Variants in FAAP20 observed in about 807,000 individuals in gnomAD.
FAAP20 encodes the protein FA core complex associated protein 20, also known as Fanconi anemia core complex-associated protein 20.
In FAAP20, 12 loss-of-function variants were observed where a neutral mutation model predicts 16.2. That is an observed-to-expected ratio of 0.74 (90% confidence interval 0.48 to 1.20). The LOEUF is 1.20. FAAP20 is among the 50% of genes most tolerant of loss of function. FAAP20 has a pLI of 0.00. For synonymous variants in FAAP20, 141 were observed against 110.7 expected, an observed-to-expected ratio of 1.27 and a Z score of -1.72; for missense variants, 288 against 245.8, an observed-to-expected ratio of 1.17 and a Z score of -1.15.
At chr1:2,188,821 C>T (rs933625206), downstream of FAAP20, among the ~76,000 whole-genome samples, 8 of 151,884 alleles carry the variant, frequency 5.3e-5, no homozygotes, top group East Asian at 5.8e-4. Context: ...CTGGCTAACA[C>T]GGTGAAACCC....
At chr1:2,203,951 C>A (rs1269064854), upstream of FAAP20, 1 of 152,312 alleles carries the variant, frequency 6.6e-6, no homozygotes, top group Non-Finnish European at 1.5e-5. Context: ...CTTAGTGGCA[C>A]CCACTGACCT....
chr1:2,208,754 G>A (rs1689355025), downstream of FAAP20, among the ~76,000 whole-genome samples: 1 of 152,236 alleles, frequency 6.6e-6, no homozygotes, highest in South Asian at 2.1e-4. Context: ...GGCCCCAGAG[G>A]GGTTTGGGCC....
upstream of FAAP20, among the ~76,000 whole-genome samples, chr1:2,202,510 C>T (rs978329925): frequency 4.6e-5 from 7 of 152,294 alleles, no homozygotes; most frequent in African/African-American, 1.7e-4. Context: ...GTTACCCAAG[C>T]TGGAGTCTAG....
intron 3 of FAAP20, 195 bp downstream of exon 3, chr1:2,193,444 G>T: frequency 1.2e-6 from 1 of 839,958 alleles, no homozygotes; most frequent in Non-Finnish European, 1.8e-6. Flanking sequence ...CACAGAGCAC[G>T]GCAAGCAGGT....
chr1:2,199,723 G>A (rs531223180), upstream of FAAP20: 21 of 816,194 alleles, frequency 2.6e-5, no homozygotes, highest in Middle Eastern at 1.3e-3. This position sits in a 1 kb window ranked among gnomAD's most constrained non-coding sequence, Gnocchi z 4.5. Context: ...AATCAAACCA[G>A]GATGAGGCGA....
At chr1:2,209,959 G>A (rs1269799297), downstream of FAAP20, among the ~76,000 whole-genome samples, 3 of 152,194 alleles carry the variant, frequency 2.0e-5, no homozygotes, top group African/African-American at 2.4e-5. Flanking sequence ...AAACGCTCAC[G>A]GGGCCTCTGT....
chr1:2,206,549 G>C (rs1689264955), exon 2 of FAAP20: 1 of 152,334 alleles, frequency 6.6e-6, no homozygotes, highest in African/African-American at 2.4e-5. Context: ...CTAAGGCTCT[G>C]GGGGCCGGGC....
At chr1:2,187,695 C>T (rs1687746306), downstream of FAAP20, among the ~76,000 whole-genome samples, 1 of 152,168 alleles carries the variant, frequency 6.6e-6, no homozygotes. Context: ...CATGCCCCTG[C>T]CCTGCCCGTC....
chr1:2,193,039 C>T (rs975354732), intron 3 of FAAP20: 75 of 1,290,444 alleles, frequency 5.8e-5, no homozygotes, highest in Non-Finnish European at 7.1e-5. Context: ...TGAAACCTGC[C>T]GCCCATTAAC....
Position 2,189,598 on chromosome 1 carries a change from T to TGCGGGGGAGCCGAGGGGCGGGGCTGCTG in FAAP20, c.*110_*111insCAGCAGCCCCGCCCCTCGGCTCCCCCGC. On this transcript the variant is annotated 3_prime_UTR_variant, in exon 4 of 4. Transcript: ENST00000378546. Reference sequence around the variant, plus strand: ...GGAGCCCGCCCTGCTTTAATGCGCATGCGGGGGAGCCGAGAGGCGGGGCTG... The same window carrying TGCGGGGGAGCCGAGGGGCGGGGCTGCTG: ...GGAGCCCGCCCTGCTTTAATGCGCATGCGGGGGAGCCGAGGGGCGGGGCTGCTGGCGGGGGAGCCGAGAGGCGGGGCTG... The TGCGGGGGAGCCGAGGGGCGGGGCTGCTG allele has an allele frequency of 1.2e-6, 1 of 867,198 alleles. No homozygotes were observed. The highest frequency in any genetic ancestry group is 1.9e-6 in the Non-Finnish European group (1 of 517,140). 53.7% of individuals were successfully genotyped at this position (867,198 alleles called of 1,614,324 possible). A position where few individuals can be genotyped will look rare whatever the true frequency, so the allele number is the denominator to read the frequency against.
upstream of FAAP20, chr1:2,199,708 G>T: frequency 1.1e-6 from 1 of 885,098 alleles, no homozygotes; most frequent in Non-Finnish European, 1.4e-6. The surrounding 1 kb of genome is among the most constrained non-coding windows in gnomAD (Gnocchi z 4.5). Flanking sequence ...GGTCTGTGCC[G>T]ATATAATCAA....
downstream of FAAP20, among the ~76,000 whole-genome samples, chr1:2,209,744 C>T (rs1015431166): frequency 6.6e-6 from 1 of 152,212 alleles, no homozygotes; most frequent in Non-Finnish European, 1.5e-5. Context: ...GACTATGGGC[C>T]ACTCGTCCAG....
In FAAP20 at chr1:2,193,699, G is replaced by C. The variant is rs942256490; in HGVS notation, c.410C>G (p.Ser137Cys). The C allele has an allele frequency of 6.3e-7, 1 of 1,595,944 alleles. No homozygotes were observed. The highest frequency in any genetic ancestry group is 8.5e-7 in the Non-Finnish European group (1 of 1,174,360). ...GCGCAGGGCCGCGGCACCCTCCACA[G>C]ACGGCTGCTGCTCCACCCTGGGGGC... is the stretch of plus-strand genomic sequence containing the variant. ...CRAPRVEQQP[S>C]VEGAAALRSC... The change falls in exon 3 of 4, where the codon TCT becomes TGT. Residue 137 changes from serine to cysteine, a missense_variant. Ser to Cys is a moderately radical substitution (Grantham distance 112). Transcript: ENST00000378546.
At chr1:2,208,937 G>C (rs1312855289), downstream of FAAP20, among the ~76,000 whole-genome samples, 2 of 152,208 alleles carry the variant, frequency 1.3e-5, no homozygotes, top group African/African-American at 4.8e-5. Flanking sequence ...GGAGTCATGG[G>C]CTCAAGCACC....
chr1:2,207,156 C>T (rs1689289094), intron 1 of FAAP20, among the ~76,000 whole-genome samples: 1 of 152,184 alleles, frequency 6.6e-6, no homozygotes, highest in Non-Finnish European at 1.5e-5. Flanking sequence ...TGATGTTTTG[C>T]CTGGCCCAAG....
chr1:2,193,776 C>T lies in FAAP20; in HGVS notation c.333G>A (p.Leu111=), dbSNP rs1688528277. ...GGGGCAGGGACCTGGCGGGGGATTC[C>T]AGGTGCCCTCCTGCCCCGTGAAGCA... ...YRLLHGAGGH[L]ESPARSLPQR... Residue 111 remains leucine (L), a synonymous_variant, in exon 3 of 4, where the codon CTG becomes CTA. Transcript: ENST00000378546. 6.3e-7 allele frequency: 1 copy of T among 1,595,978 alleles called. No homozygotes were observed. Among genetic ancestry groups the T allele is most frequent in the Non-Finnish European group, 8.5e-7 (1 of 1,174,804 alleles).
chr1:2,193,334 A>C (rs936163864), intron 3 of FAAP20: 15 of 513,356 alleles, frequency 2.9e-5, no homozygotes, highest in Non-Finnish European at 5.1e-5. Flanking sequence ...GGGCCTGGGG[A>C]CGCTGGTGCC....
upstream of FAAP20, chr1:2,200,479 C>T (rs938472590): frequency 2.4e-5 from 6 of 252,116 alleles, no homozygotes; most frequent in Admixed American, 2.0e-4. Context: ...AGCAGCTGCA[C>T]GCCAGGGAAT....
At chr1:2,197,065 C>A (rs1247667798), upstream of FAAP20, among the ~76,000 whole-genome samples, 1 of 152,180 alleles carries the variant, frequency 6.6e-6, no homozygotes, top group Non-Finnish European at 1.5e-5. Flanking sequence ...GACCGGCCGG[C>A]CTCTGGATGG....
Sources: allele counts gnomAD v4.1 joint callset (sites outside exome capture counted in the v4.1 genomes callset), GRCh38; gene constraint gnomAD v4.1.1; non-coding constraint Gnocchi (gnomAD v3.1); transcripts MANE v1.5; gene names NCBI Gene and HGNC (gene_info 2026-07-23, HGNC 2026-07-21).